Variants in FBLN7 observed in about 807,000 individuals in gnomAD.
The protein encoded by FBLN7 is fibulin 7.
In FBLN7, 31 loss-of-function variants were observed where a neutral mutation model predicts 44.0. That is an observed-to-expected ratio of 0.70 (90% CI 0.53 to 0.95). FBLN7 has a LOEUF of 0.95. Ranked by LOEUF, FBLN7 falls within the 40% of genes least tolerant of loss-of-function variation. The pLI, the probability that FBLN7 is intolerant of heterozygous loss-of-function variation, is 0.00. For missense variants in FBLN7, 573 were observed against 618.5 expected (o/e 0.93, Z 0.78); for synonymous variants, 262 against 253.4 (o/e 1.03, Z -0.32).
chr2:112,179,072 C>T (rs1265141294), intron 4 of FBLN7, among the ~76,000 whole-genome samples: 1 of 152,192 alleles, frequency 6.6e-6, no homozygotes, highest in Non-Finnish European at 1.5e-5. Flanking sequence ...TGACATGATT[C>T]TATATCTAGA....
intron 1 of FBLN7, among the ~76,000 whole-genome samples, chr2:112,139,454 T>C (rs1362490561): frequency 1.6e-4 from 3 of 18,540 alleles, no homozygotes; most frequent in Non-Finnish European, 2.8e-4. Context: ...TCCAGGTCAG[T>C]GTCCCTCCCG....
chr2:112,157,242 C>T (rs1409804307), intron 1 of FBLN7, among the ~76,000 whole-genome samples: 3 of 151,944 alleles, frequency 2.0e-5, no homozygotes, highest in African/African-American at 7.2e-5. Context: ...TGGCGGTGGG[C>T]ACCTGTAATC....
At chr2:112,160,738 GCACACACGCGCACGCACACACGCACGCA>G (rs1681760253) in intron 2 of FBLN7, among the ~76,000 whole-genome samples, 1 of 135,258 alleles carries the variant, frequency 7.4e-6, no homozygotes, top group Non-Finnish European at 1.6e-5. Flanking sequence ...GCACGCACAC[GCACACACGCGCACGCACACACGCACGCA>G]CACGCAGACG....
chr2:112,234,389 G>C, the FBLN7 span, among the ~76,000 whole-genome samples: 1 of 152,152 alleles, frequency 6.6e-6, no homozygotes, highest in East Asian at 1.9e-4. Context: ...CTGTACACCA[G>C]GTTAAAAATG....
At chr2:112,239,553 A>G in the FBLN7 span, among the ~76,000 whole-genome samples, 1 of 142,162 alleles carries the variant, frequency 7.0e-6, no homozygotes, top group Non-Finnish European at 1.5e-5. Flanking sequence ...TATAAAATAT[A>G]TTAGGTGGCC....
intron 4 of FBLN7, chr2:112,176,665 G>A (rs1682751227): frequency 6.6e-6 from 1 of 152,214 alleles, no homozygotes; most frequent in South Asian, 2.1e-4. Flanking sequence ...AATATGCCCT[G>A]ATTCAGTTCA....
chr2:112,141,196 C>T (rs1680630872), intron 1 of FBLN7, among the ~76,000 whole-genome samples: 1 of 152,206 alleles, frequency 6.6e-6, no homozygotes, highest in African/African-American at 2.4e-5. Flanking sequence ...ACTTCATTCC[C>T]GGAGCTACCC....
intron 1 of FBLN7, among the ~76,000 whole-genome samples, chr2:112,154,058 A>C (rs1303751456): frequency 6.6e-6 from 1 of 152,184 alleles, no homozygotes; most frequent in African/African-American, 2.4e-5. Flanking sequence ...TTCCTTCTCT[A>C]ACTGGTTCTC....
the FBLN7 span, among the ~76,000 whole-genome samples, chr2:112,221,984 A>T: frequency 6.6e-6 from 1 of 152,124 alleles, no homozygotes; most frequent in African/African-American, 2.4e-5. Context: ...TTTCTCATTT[A>T]TATCGGCTGA....
At chr2:112,153,646 C>T (rs934622738) in intron 1 of FBLN7, among the ~76,000 whole-genome samples, 1 of 152,180 alleles carries the variant, frequency 6.6e-6, no homozygotes, top group Non-Finnish European at 1.5e-5. Context: ...GTCAGGCCTG[C>T]TGGCAGGGGA....
intron 2 of FBLN7, among the ~76,000 whole-genome samples, chr2:112,160,766 A>G (rs933454308): frequency 5.6e-5 from 2 of 35,436 alleles, no homozygotes; most frequent in African/African-American, 3.0e-4. Flanking sequence ...ACACGCACGC[A>G]CACGCAGACG....
the FBLN7 span, among the ~76,000 whole-genome samples, chr2:112,216,670 A>G: frequency 1.3e-5 from 2 of 148,486 alleles, no homozygotes; most frequent in African/African-American, 5.0e-5. Flanking sequence ...AAAAACTAAG[A>G]TTAGAACTGA....
At chr2:112,152,971 A>G (rs779965623) in intron 1 of FBLN7, 2 of 152,194 alleles carry the variant, frequency 1.3e-5, no homozygotes, top group Non-Finnish European at 2.9e-5. Context: ...TATATAATAT[A>G]TATCTCTTTC....
At chr2:112,163,739 C>T (rs779415893) in intron 2 of FBLN7, among the ~76,000 whole-genome samples, 4 of 152,206 alleles carry the variant, frequency 2.6e-5, no homozygotes, top group Non-Finnish European at 5.9e-5. Context: ...TCCAGAGGCC[C>T]GGTCTCACAC....
the FBLN7 span, chr2:112,232,069 G>A: frequency 1.7e-5 from 8 of 479,070 alleles, no homozygotes; most frequent in East Asian, 2.8e-4. Context: ...CATGCCTGTA[G>A]GAGGCGGAGG....
At chr2:112,201,822 G>T in the FBLN7 span, among the ~76,000 whole-genome samples, 11 of 152,308 alleles carry the variant, frequency 7.2e-5, 1 homozygote, top group African/African-American at 1.7e-4. Flanking sequence ...CATTTCTGTT[G>T]ATTCCAGGTT....
intron 3 of FBLN7, among the ~76,000 whole-genome samples, chr2:112,172,627 C>CTTTTTT (rs35062438): frequency 4.3e-4 from 38 of 88,128 alleles, no homozygotes; most frequent in Non-Finnish European, 5.1e-4. Context: ...CTTTTTCTTT[C>CTTTTTT]TTTTTTTTTT....
intron 3 of FBLN7, 87 bp from the exon 4 acceptor site, chr2:112,175,627 G>A (rs1682701575): frequency 6.6e-7 from 1 of 1,519,268 alleles, no homozygotes; most frequent in Admixed American, 1.7e-5. Flanking sequence ...CAATGTAAAG[G>A]AAGTTAACCC....
the FBLN7 span, among the ~76,000 whole-genome samples, chr2:112,225,078 G>A: frequency 6.6e-6 from 1 of 152,104 alleles, no homozygotes; most frequent in Non-Finnish European, 1.5e-5. Context: ...TTTTGAGACT[G>A]TTCACTGGTA....
Sources: gnomAD v4.1 joint callset for allele counts (sites outside exome capture counted in the v4.1 genomes callset) on GRCh38, gnomAD v4.1.1 for gene constraint, MANE v1.5 for transcripts, NCBI Gene and HGNC (gene_info 2026-07-23, HGNC 2026-07-21) for gene names.